Variants in CNTN5 observed in about 807,000 individuals in gnomAD.
The protein encoded by CNTN5 is contactin-5.
Under a neutral mutation model 129.1 loss-of-function variants are expected in CNTN5, and 77 were observed. That is an observed-to-expected ratio of 0.60 (90% CI 0.50 to 0.72). The LOEUF is 0.72. CNTN5 is among the 30% of genes least tolerant of loss of function. The pLI, the probability that CNTN5 is intolerant of heterozygous loss-of-function variation, is 0.00. For synonymous variants in CNTN5, 509 were observed against 465.6 expected, an observed-to-expected ratio of 1.09 and a Z score of -1.20; for missense variants, 1,478 against 1,328.8, an observed-to-expected ratio of 1.11 and a Z score of -1.75.
chr11:99,952,248 A>G (rs1000228475), intron 7 of CNTN5, among the ~76,000 whole-genome samples: 2 of 152,210 alleles, frequency 1.3e-5, no homozygotes, highest in Non-Finnish European at 2.9e-5. Context: ...TTCAAAAAAG[A>G]AAATAATTGT....
chr11:99,934,053 C>A (rs1455755660), intron 7 of CNTN5, among the ~76,000 whole-genome samples: 1 of 152,116 alleles, frequency 6.6e-6, no homozygotes, highest in African/African-American at 2.4e-5. Flanking sequence ...AAAATTTATA[C>A]ATAATTTTGA....
At chr11:99,469,972 CAGACCTATTCAT>C (rs1470288291) in intron 2 of CNTN5, among the ~76,000 whole-genome samples, 11 of 152,196 alleles carry the variant, frequency 7.2e-5, no homozygotes, top group African/African-American at 2.6e-4. Flanking sequence ...GTACTTAAAA[CAGACCTATTCAT>C]TTAGTAGAAG....
At chr11:100,122,347 C>T (rs373957369) in intron 13 of CNTN5, among the ~76,000 whole-genome samples, 10 of 151,946 alleles carry the variant, frequency 6.6e-5, no homozygotes, top group East Asian at 1.9e-4. Context: ...ATTCCTCTTG[C>T]GTCTCTTTTT....
At chr11:99,264,876 A>G (rs1346059811) in intron 1 of CNTN5, among the ~76,000 whole-genome samples, 1 of 152,074 alleles carries the variant, frequency 6.6e-6, no homozygotes, top group Non-Finnish European at 1.5e-5. Flanking sequence ...AAACTTCAAC[A>G]TGACAGGATA....
At chr11:99,751,641 T>C (rs1944240004) in intron 3 of CNTN5, among the ~76,000 whole-genome samples, 1 of 152,200 alleles carries the variant, frequency 6.6e-6, no homozygotes, top group African/African-American at 2.4e-5. Flanking sequence ...ATTATTATCA[T>C]CTGGACATGT....
chr11:99,083,276 T>G (rs192612770), intron 1 of CNTN5, among the ~76,000 whole-genome samples: 167 of 152,308 alleles, frequency 1.1e-3, no homozygotes, highest in African/African-American at 4.0e-3. Flanking sequence ...TTTTAAATTC[T>G]TTCTCACTGG....
At chr11:100,238,408 C>CAAA (rs201855934) in intron 16 of CNTN5, among the ~76,000 whole-genome samples, 50 of 71,262 alleles carry the variant, frequency 7.0e-4, no homozygotes, top group African/African-American at 1.8e-3. Flanking sequence ...CCTCACTTGT[C>CAAA]AAAAAAAAAA....
intron 1 of CNTN5, among the ~76,000 whole-genome samples, chr11:99,072,336 TTAA>T (rs1865371541): frequency 6.6e-6 from 1 of 152,048 alleles, no homozygotes. Flanking sequence ...GCATAGTAAA[TTAA>T]TAAACTAGCA....
At chr11:100,207,409 A>G (rs1948939812) in intron 15 of CNTN5, among the ~76,000 whole-genome samples, 1 of 152,142 alleles carries the variant, frequency 6.6e-6, no homozygotes, top group African/African-American at 2.4e-5. Flanking sequence ...TACCTTACAC[A>G]TTCTATAAAA....
At chr11:99,738,874 G>C (rs1943799459) in intron 3 of CNTN5, among the ~76,000 whole-genome samples, 1 of 152,030 alleles carries the variant, frequency 6.6e-6, no homozygotes, top group Non-Finnish European at 1.5e-5. Context: ...TTTTTCTATT[G>C]TCATGAAGCA....
At position 99,996,734 on chromosome 11, in the gene CNTN5, A is replaced by G. The variant is rs527787402; in HGVS notation, c.878-5300A>G. Among the ~76,000 whole-genome samples the G allele has an allele frequency of 3.9e-5, 6 of 152,336 alleles. No individual in the cohort carries two copies. The South Asian group carries it at 1.2e-3, about 32-fold the overall frequency. ...AGTTTCACATGGCTGGGAAGGCCTCAGGAAACTTACAATCATGGCAGAAGG... is the reference window on the plus strand; with the variant it reads ...AGTTTCACATGGCTGGGAAGGCCTCGGGAAACTTACAATCATGGCAGAAGG... On this transcript the variant is annotated intron_variant, in intron 8 of 24. Coordinates refer to ENST00000524871, the MANE Select transcript of CNTN5 (RefSeq NM_014361.4).
chr11:99,341,242 T>C (rs1212311407), intron 2 of CNTN5, among the ~76,000 whole-genome samples: 7 of 152,110 alleles, frequency 4.6e-5, no homozygotes, highest in Non-Finnish European at 1.0e-4. Context: ...AAATAAAACA[T>C]TGAATATTTA....
At chr11:99,974,375 C>T (rs569971516) in intron 8 of CNTN5, among the ~76,000 whole-genome samples, 3 of 152,264 alleles carry the variant, frequency 2.0e-5, no homozygotes, top group Non-Finnish European at 2.9e-5. Flanking sequence ...ATCTAACTCA[C>T]GGTGATTGTT....
chr11:99,429,674 C>G (rs1464884483), intron 2 of CNTN5, among the ~76,000 whole-genome samples: 1 of 151,836 alleles, frequency 6.6e-6, no homozygotes, highest in Non-Finnish European at 1.5e-5. Flanking sequence ...TATCTTTTAA[C>G]TGGACCTCTG....
At chr11:99,331,794 T>G (rs1371493987) in intron 2 of CNTN5, among the ~76,000 whole-genome samples, 3 of 152,180 alleles carry the variant, frequency 2.0e-5, no homozygotes, top group African/African-American at 7.2e-5. Flanking sequence ...CCTACTTGAT[T>G]CTTGACTTTG....
At chr11:99,955,957 G>A (rs901969715) in intron 7 of CNTN5, among the ~76,000 whole-genome samples, 1 of 152,030 alleles carries the variant, frequency 6.6e-6, no homozygotes, top group African/African-American at 2.4e-5. Context: ...AAACAGACCT[G>A]AAAATATTTA....
intron 1 of CNTN5, among the ~76,000 whole-genome samples, chr11:99,253,996 A>G (rs1469778341): frequency 6.6e-6 from 1 of 150,790 alleles, no homozygotes; most frequent in African/African-American, 2.4e-5. Flanking sequence ...TTGTGAAACA[A>G]TGTTTAAATA....
At chr11:99,930,014 C>G (rs1356607617) in intron 7 of CNTN5, among the ~76,000 whole-genome samples, 1 of 152,148 alleles carries the variant, frequency 6.6e-6, no homozygotes, top group Non-Finnish European at 1.5e-5. Flanking sequence ...CTCTTATAGA[C>G]TTATTATTTC....
intron 3 of CNTN5, among the ~76,000 whole-genome samples, chr11:99,639,559 G>T (rs1263468468): frequency 2.2e-3 from 157 of 70,270 alleles, no homozygotes; most frequent in South Asian, 4.9e-3. Flanking sequence ...TCACCTTTAT[G>T]TTTTTTTTTT....
Sources: allele counts gnomAD v4.1 joint callset (sites outside exome capture counted in the v4.1 genomes callset), GRCh38; gene constraint gnomAD v4.1.1; transcripts MANE v1.5; gene names NCBI Gene and HGNC (gene_info 2026-07-23, HGNC 2026-07-21).